ARFGAP3: variants seen among roughly 807,000 people sequenced by gnomAD.
ARFGAP3 encodes ADP-ribosylation factor GTPase-activating protein 3.
A neutral mutation model predicts 75.0 loss-of-function variants in ARFGAP3; 72 were observed. That is an observed-to-expected ratio of 0.96 (90% CI 0.79 to 1.17). ARFGAP3 has a LOEUF of 1.17. ARFGAP3 is among the 50% of genes most tolerant of loss of function. The pLI, the probability that ARFGAP3 is intolerant of heterozygous loss-of-function variation, is 0.00. For missense variants in ARFGAP3, 620 were observed against 626.6 expected, an observed-to-expected ratio of 0.99 and a Z score of 0.11; for synonymous variants, 221 against 217.9, an observed-to-expected ratio of 1.01 and a Z score of -0.13.
chr22:42,834,207 G>C, intron 5 of ARFGAP3, 35 bp downstream of exon 5: 1 of 1,583,860 alleles, frequency 6.3e-7, no homozygotes, highest in Non-Finnish European at 8.6e-7. Context: ...GTCAGAGTAA[G>C]CACACTTTAA....
chr22:42,828,933 C>T (rs1419702919), intron 6 of ARFGAP3, among the ~76,000 whole-genome samples: 1 of 152,172 alleles, frequency 6.6e-6, no homozygotes, highest in Non-Finnish European at 1.5e-5. Flanking sequence ...GATCCACCCG[C>T]CTCAGCCATC....
chr22:42,830,089 C>G (rs1181769924), intron 6 of ARFGAP3, among the ~76,000 whole-genome samples: 1 of 152,178 alleles, frequency 6.6e-6, no homozygotes, highest in Non-Finnish European at 1.5e-5. Flanking sequence ...ATACCTATAA[C>G]TCAATACAAA....
Position 42,835,469 on chromosome 22 carries a change from A to G in ARFGAP3, c.286T>C (p.Cys96Arg). 1 of 1,614,050 alleles carries G rather than the reference A, an allele frequency of 6.2e-7. No individual in the cohort carries two copies. Among genetic ancestry groups the G allele is most frequent in the Admixed American group, 1.7e-5 (1 of 60,006 alleles). The change falls in exon 4 of 16, where the codon TGT becomes CGT. Residue 96 changes from cysteine to arginine, a missense_variant. Transcript: ENST00000263245. ...TTGGCATTGGTGTCATTGGTGGAACACCCATGTTGATGAAAAAAGGAAGAC... is the reference window on the plus strand; with the variant it reads ...TTGGCATTGGTGTCATTGGTGGAACGCCCATGTTGATGAAAAAAGGAAGAC... ...SASSFFHQHGCSTNDTNAKYN... is the reference protein window; with the variant it reads ...SASSFFHQHGRSTNDTNAKYN...
chr22:42,801,761 C>A (rs781149773), intron 14 of ARFGAP3, among the ~76,000 whole-genome samples: 1 of 152,196 alleles, frequency 6.6e-6, no homozygotes, highest in Non-Finnish European at 1.5e-5. Flanking sequence ...GGCTGTCAGG[C>A]GCCAAGGGCA....
chr22:42,824,924 T>A (rs888278353), intron 7 of ARFGAP3, among the ~76,000 whole-genome samples: 4 of 152,206 alleles, frequency 2.6e-5, no homozygotes, highest in African/African-American at 9.7e-5. Flanking sequence ...CCCCCACTTA[T>A]AAGTGAAAAC....
intron 12 of ARFGAP3, among the ~76,000 whole-genome samples, chr22:42,810,003 TAAAAAAAAAAAA>T (rs35072147): frequency 9.8e-6 from 1 of 102,170 alleles, no homozygotes; most frequent in Non-Finnish European, 1.9e-5. Flanking sequence ...GACTCCATCT[TAAAAAAAAAAAA>T]AAAAAAAAAA....
chr22:42,845,319 G>A (rs1926963936), intron 2 of ARFGAP3, among the ~76,000 whole-genome samples: 1 of 150,282 alleles, frequency 6.7e-6, no homozygotes, highest in Admixed American at 6.7e-5. Context: ...GAGGTCAGGA[G>A]TTCAAGACCA....
chr22:42,816,119 C>CA (rs943861813), intron 11 of ARFGAP3, among the ~76,000 whole-genome samples: 57 of 152,150 alleles, frequency 3.7e-4, no homozygotes, highest in African/African-American at 1.3e-3. Context: ...ATCTCATAAA[C>CA]AAACAAACAA....
intron 13 of ARFGAP3, 91 bp from the exon 14 acceptor site, chr22:42,807,254 G>A (rs1169207343): frequency 5.4e-6 from 8 of 1,488,114 alleles, no homozygotes; most frequent in East Asian, 2.4e-5. Flanking sequence ...ATTTGAAAGT[G>A]TTTGACCCCC....
At chr22:42,847,749 G>A (rs1927083098) in intron 1 of ARFGAP3, 117 bp from the exon 2 acceptor site, 1 of 1,249,482 alleles carries the variant, frequency 8.0e-7, no homozygotes, top group East Asian at 3.2e-5. Flanking sequence ...TAAACTTTGG[G>A]ATTGTATTAT....
At chr22:42,803,795 C>A (rs1055117603) in intron 14 of ARFGAP3, among the ~76,000 whole-genome samples, 10 of 152,148 alleles carry the variant, frequency 6.6e-5, no homozygotes, top group Admixed American at 6.5e-4. Context: ...AGAAACACCC[C>A]CAGAAAGCAG....
At chr22:42,819,205 T>A (rs966489427) in intron 9 of ARFGAP3, among the ~76,000 whole-genome samples, 6 of 152,214 alleles carry the variant, frequency 3.9e-5, no homozygotes, top group Non-Finnish European at 7.3e-5. Context: ...ACATGGCAGT[T>A]TGTTTTCCTT....
intron 14 of ARFGAP3, among the ~76,000 whole-genome samples, chr22:42,800,095 CAG>C (rs375357217): frequency 6.6e-6 from 1 of 152,176 alleles, no homozygotes; most frequent in Non-Finnish European, 1.5e-5. Flanking sequence ...AGCTGACAAT[CAG>C]GGGTTCATAA....
At chr22:42,835,328 T>A in intron 4 of ARFGAP3, 34 bp downstream of exon 4, 2 of 1,607,948 alleles carry the variant, frequency 1.2e-6, no homozygotes, top group Non-Finnish European at 1.7e-6. Flanking sequence ...TGAACATGTA[T>A]CTAAAGGAAA....
At chr22:42,817,288 ATATCAG>A in intron 10 of ARFGAP3, 24 bp from the exon 11 acceptor site, 7 of 1,574,742 alleles carry the variant, frequency 4.4e-6, no homozygotes, top group Non-Finnish European at 6.0e-6. Flanking sequence ...AAAAATATAT[ATATCAG>A]TAAGTTCACA....
chr22:42,806,574 C>A (rs1343444329), intron 14 of ARFGAP3, among the ~76,000 whole-genome samples: 2 of 152,262 alleles, frequency 1.3e-5, no homozygotes, highest in Non-Finnish European at 2.9e-5. Flanking sequence ...CTGCCCACCC[C>A]TGGGGCCTGC....
chr22:42,851,766 G>C (rs1927286173), intron 1 of ARFGAP3, among the ~76,000 whole-genome samples: 1 of 152,244 alleles, frequency 6.6e-6, no homozygotes, highest in South Asian at 2.1e-4. Flanking sequence ...TTCTTATGGT[G>C]ATGAGCAAGA....
intron 13 of ARFGAP3, among the ~76,000 whole-genome samples, chr22:42,808,480 T>C (rs1467325233): frequency 1.3e-5 from 2 of 151,988 alleles, no homozygotes; most frequent in Non-Finnish European, 2.9e-5. Context: ...GCACCAACAA[T>C]TGAAATATAT....
chr22:42,828,681 C>CTT (rs11379515), intron 6 of ARFGAP3, among the ~76,000 whole-genome samples: 1,272 of 116,226 alleles, frequency 0.011, 42 homozygotes, highest in African/African-American at 0.018. Flanking sequence ...AGCCCCCGGC[C>CTT]TTTTTTTTTT....
Sources: allele counts gnomAD v4.1 joint callset (sites outside exome capture counted in the v4.1 genomes callset), GRCh38; gene constraint gnomAD v4.1.1; transcripts MANE v1.5; gene names NCBI Gene and HGNC (gene_info 2026-07-23, HGNC 2026-07-21).